PXDNL: variants seen among roughly 807,000 people sequenced by gnomAD.
The protein encoded by PXDNL is peroxidasin like.
In PXDNL, 145 loss-of-function variants were observed where a neutral mutation model predicts 150.8. That is an observed-to-expected ratio of 0.96 (90% CI 0.84 to 1.10). The LOEUF is 1.10. PXDNL is among the 50% of genes least tolerant of loss of function. The pLI, the probability that PXDNL is intolerant of heterozygous loss-of-function variation, is 0.00. For missense variants in PXDNL, 2,087 were observed against 1,873.9 expected (o/e 1.11, Z -2.10); for synonymous variants, 757 against 725.7 (o/e 1.04, Z -0.69).
chr8:51,457,330 T>C (rs1374721348), intron 9 of PXDNL, among the ~76,000 whole-genome samples, 168 bp downstream of exon 9: 1 of 152,110 alleles, frequency 6.6e-6, no homozygotes, highest in Non-Finnish European at 1.5e-5. Context: ...AGGCAGGAAA[T>C]TAAAATAAAC....
intron 12 of PXDNL, among the ~76,000 whole-genome samples, chr8:51,438,618 G>A (rs1809465463): frequency 6.6e-6 from 1 of 152,196 alleles, no homozygotes; most frequent in South Asian, 2.1e-4. Context: ...AGGAGGCTGA[G>A]GCAGGAGAAT....
At chr8:51,411,760 C>T (rs1386405239) in intron 15 of PXDNL, among the ~76,000 whole-genome samples, 1 of 152,114 alleles carries the variant, frequency 6.6e-6, no homozygotes, top group Non-Finnish European at 1.5e-5. Flanking sequence ...ATGCAATACT[C>T]TCGGTCTGCA....
At chr8:51,784,432 T>C (rs574657788) in intron 1 of PXDNL, among the ~76,000 whole-genome samples, 1 of 152,358 alleles carries the variant, frequency 6.6e-6, no homozygotes, top group African/African-American at 2.4e-5. Context: ...GAACTTTATA[T>C]GTTTCTTTCA....
intron 19 of PXDNL, among the ~76,000 whole-genome samples, chr8:51,365,671 A>T (rs900562041): frequency 6.6e-6 from 1 of 152,228 alleles, no homozygotes; most frequent in African/African-American, 2.4e-5. Context: ...TCAAAGAAAC[A>T]TGTGATCATG....
intron 1 of PXDNL, among the ~76,000 whole-genome samples, chr8:51,656,991 C>G (rs79753536): frequency 3.3e-5 from 5 of 151,932 alleles, no homozygotes; most frequent in Non-Finnish European, 5.9e-5. Flanking sequence ...TGACTTATGA[C>G]GGGGTTATGT....
intron 21 of PXDNL, among the ~76,000 whole-genome samples, chr8:51,333,620 G>T (rs1204855961): frequency 1.3e-5 from 2 of 152,038 alleles, no homozygotes; most frequent in East Asian, 3.9e-4. Context: ...CACACATAAG[G>T]ACTCACATAA....
rs74380800 is a variant in PXDNL at position 51,666,182 on chromosome 8, G to A, written c.165-11422C>T. On this transcript the variant is annotated intron_variant, in intron 1 of 22. Coordinates refer to ENST00000356297, the MANE Select transcript of PXDNL (RefSeq NM_144651.5). ...GTGAACTGGAGTCATCATTTTACTT[G>A]ATCTTTCGGTGGCATTTGATCATGT... Among the ~76,000 whole-genome samples the A allele has an allele frequency of 5.7e-3, 862 of 152,204 alleles. 6 individuals carry two copies. The highest frequency in any genetic ancestry group is 0.02 in the African/African-American group (812 of 41,558).
intron 1 of PXDNL, among the ~76,000 whole-genome samples, chr8:51,690,412 A>C (rs968207430): frequency 1.3e-5 from 2 of 152,028 alleles, no homozygotes; most frequent in African/African-American, 4.8e-5. Flanking sequence ...GAGTGAGAAC[A>C]TGTGGTGTTT....
At chr8:51,736,170 C>T (rs1817034565) in intron 1 of PXDNL, among the ~76,000 whole-genome samples, 1 of 152,160 alleles carries the variant, frequency 6.6e-6, no homozygotes, top group Non-Finnish European at 1.5e-5. Context: ...TCGCAAGAAA[C>T]AGCTCTGAGG....
At chr8:51,726,172 A>T (rs1045927450) in intron 1 of PXDNL, among the ~76,000 whole-genome samples, 1 of 152,212 alleles carries the variant, frequency 6.6e-6, no homozygotes, top group Non-Finnish European at 1.5e-5. Flanking sequence ...ATCTATTCAA[A>T]TCAGTTCTTG....
chr8:51,565,128 T>C (rs1010263352), intron 3 of PXDNL, among the ~76,000 whole-genome samples: 1 of 151,736 alleles, frequency 6.6e-6, no homozygotes, highest in South Asian at 2.1e-4. Context: ...AATCCAAAAC[T>C]TTTTAAGTGC....
intron 21 of PXDNL, among the ~76,000 whole-genome samples, chr8:51,336,156 G>A (rs1805825528): frequency 6.6e-6 from 1 of 152,162 alleles, no homozygotes; most frequent in African/African-American, 2.4e-5. Context: ...CTCCCATGAT[G>A]AGGCCCATTA....
chr8:51,360,657 GT>G (rs1806704971), intron 19 of PXDNL, among the ~76,000 whole-genome samples: 1 of 152,206 alleles, frequency 6.6e-6, no homozygotes, highest in Non-Finnish European at 1.5e-5. Context: ...CAGCCTAAAT[GT>G]TTTTCCAGAC....
At chr8:51,715,545 C>T (rs1373102485) in intron 1 of PXDNL, among the ~76,000 whole-genome samples, 2 of 152,214 alleles carry the variant, frequency 1.3e-5, no homozygotes, top group Admixed American at 1.3e-4. Flanking sequence ...GTTAACTTCT[C>T]TGATTCTTAG....
intron 3 of PXDNL, among the ~76,000 whole-genome samples, chr8:51,570,644 A>G (rs1812912746): frequency 1.3e-5 from 2 of 151,914 alleles, no homozygotes; most frequent in Non-Finnish European, 2.9e-5. Flanking sequence ...CAATACTACC[A>G]TGGGAAGCTG....
intron 1 of PXDNL, among the ~76,000 whole-genome samples, chr8:51,745,505 T>C (rs2036973903): frequency 6.6e-6 from 1 of 152,204 alleles, no homozygotes; most frequent in African/African-American, 2.4e-5. Context: ...AAAAAGCTAA[T>C]TAAAAGAAAG....
At chr8:51,597,651 T>TG (rs1813601713) in intron 2 of PXDNL, among the ~76,000 whole-genome samples, 19 of 149,912 alleles carry the variant, frequency 1.3e-4, no homozygotes, top group African/African-American at 3.9e-4. Flanking sequence ...CTCTAAGTAT[T>TG]TGTGTGTGTG....
At chr8:51,733,258 T>C (rs1367051251) in intron 1 of PXDNL, among the ~76,000 whole-genome samples, 3 of 152,306 alleles carry the variant, frequency 2.0e-5, no homozygotes, top group African/African-American at 7.2e-5. Flanking sequence ...AGAATACAGA[T>C]AAGTAACGTA....
chr8:51,689,173 CAG>C (rs1391502622), intron 1 of PXDNL, among the ~76,000 whole-genome samples: 1 of 152,208 alleles, frequency 6.6e-6, no homozygotes, highest in Non-Finnish European at 1.5e-5. Context: ...TGAAGCCACA[CAG>C]AGTCTTCTTG....
Sources: allele counts gnomAD v4.1 joint callset (sites outside exome capture counted in the v4.1 genomes callset), GRCh38; gene constraint gnomAD v4.1.1; transcripts MANE v1.5; gene names NCBI Gene and HGNC (gene_info 2026-07-23, HGNC 2026-07-21).